Variants in TBC1D26 observed in about 807,000 individuals in gnomAD.
TBC1D26 encodes TBC1 domain family member 26, also known as TBC1 domain family, member 26.
Under a neutral mutation model 42.5 loss-of-function variants are expected in TBC1D26, and 19 were observed. The observed-to-expected ratio is 0.45, with a 90% confidence interval of 0.31 to 0.66. The LOEUF (loss-of-function observed/expected upper bound fraction) is 0.66, where lower values mean the gene tolerates loss of function less well. TBC1D26 is among the 30% of genes least tolerant of loss of function. The pLI is 0.06. For missense variants in TBC1D26, 228 were observed against 332.6 expected (o/e 0.69, Z 2.45); for synonymous variants, 97 against 123.5 (o/e 0.79, Z 1.42).
At chr17:15,739,057 C>T (rs552590491) in intron 8 of TBC1D26, among the ~76,000 whole-genome samples, 265 of 144,118 alleles carry the variant, frequency 1.8e-3, no homozygotes, top group African/African-American at 6.4e-3. Context: ...CCCAAGGAGA[C>T]GGAAGGCAGA....
Position 15,742,026 on chromosome 17 carries a change from T to C in TBC1D26, c.731T>C (p.Met244Thr), listed in dbSNP as rs767841021. Residue 244 changes from methionine to threonine, a missense_variant, in exon 11 of 15, where the codon ATG (methionine) becomes ACG (threonine). Met to Thr is a moderately conservative substitution (Grantham distance 81, BLOSUM62 -1). Coordinates refer to ENST00000437605, the MANE Select transcript of TBC1D26 (RefSeq NM_001388465.1). ...QVLHKSFPKI[M>T]RHLGKEGLCI... ...CTGCACAAGTCCTTCCCAAAGATCA[T>C]GAGACACCTGGTGAGTGGATGACAC... is the stretch of plus-strand genomic sequence containing the variant. The C allele has an allele frequency of 1.2e-6, 2 of 1,611,444 alleles. No homozygotes were observed. The highest frequency in any genetic ancestry group is 1.7e-6 in the Non-Finnish European group (2 of 1,177,858).
Position 15,740,145 on chromosome 17 carries a change from C to A in TBC1D26, c.543C>A (p.Asn181Lys). The change falls in exon 9 of 15, where the codon AAC becomes AAA. Residue 181 changes from asparagine to lysine, a missense_variant. Around this residue, in one of 5 missense-constraint regions of TBC1D26, gnomAD observed 130 missense variants for 168.5 expected, o/e 0.77. Coordinates refer to ENST00000437605, the MANE Select transcript of TBC1D26 (RefSeq NM_001388465.1). ...TCCTCGTGGCCTATTCTGCATATAA[C>A]CCTGTGAGTATTCCCGGGCAGCGAT... The part of the protein sequence containing the change: ...CDILVAYSAY[N>K]PEVGYHRDLS... The A allele has an allele frequency of 1.9e-6, 3 of 1,614,154 alleles. No individual in the cohort carries two copies. Among genetic ancestry groups the A allele is most frequent in the Non-Finnish European group, 2.5e-6 (3 of 1,180,016 alleles).
Position 15,743,368 on chromosome 17 carries a change from G to T in TBC1D26, c.909G>T (p.Lys303Asn), listed in dbSNP as rs1385736870. 5 of 986,218 alleles carry T rather than the reference G, an allele frequency of 5.1e-6. No individual in the cohort carries two copies. Among genetic ancestry groups the T allele is most frequent in the Admixed American group, 6.1e-5 (1 of 16,266 alleles). 61.1% of individuals were successfully genotyped at this position (986,218 alleles called of 1,614,324 possible). Residue 303 changes from lysine (K) to asparagine (N), a missense_variant and splice_region_variant, in exon 14 of 15, where the codon AAG becomes AAT. Around this residue, in one of 5 missense-constraint regions of TBC1D26, gnomAD observed 130 missense variants for 168.5 expected, o/e 0.77. Coordinates refer to ENST00000437605, the MANE Select transcript of TBC1D26 (RefSeq NM_001388465.1). ...GCCTGATGCCCGCCCTCTCCCTAGA[G>T]CACCTCATGAAGCTTTCCTGGAGCA... ...MVHASFKIHRKHLMKLSWSTV... is the reference protein window; with the variant it reads ...MVHASFKIHRNHLMKLSWSTV...
intron 1 of TBC1D26, among the ~76,000 whole-genome samples, chr17:15,733,283 C>T (rs138642225): frequency 3.8e-3 from 568 of 151,278 alleles, no homozygotes; most frequent in African/African-American, 0.013. Flanking sequence ...ACCTCAGGCA[C>T]GGGGTTTGTC....
At chr17:15,744,031 C>T (rs1967859116) in intron 14 of TBC1D26, among the ~76,000 whole-genome samples, 1 of 151,946 alleles carries the variant, frequency 6.6e-6, no homozygotes. Flanking sequence ...CTATTCAGAA[C>T]TCAGAGGCTT....
At chr17:15,740,179 G>A in intron 9 of TBC1D26, 31 bp downstream of exon 9, 1 of 1,614,060 alleles carries the variant, frequency 6.2e-7, no homozygotes, top group African/African-American at 1.3e-5. Flanking sequence ...ATATTCCTGG[G>A]ACATGTGCCC....
chr17:15,736,247 G>T (rs544726636), intron 4 of TBC1D26, among the ~76,000 whole-genome samples: 2,361 of 152,232 alleles, frequency 0.016, 3 homozygotes, highest in African/African-American at 0.054. Context: ...CGGGAGTGGT[G>T]CAGGGAAGGG....
chr17:15,740,645 G>A, intron 9 of TBC1D26: 1 of 1,080,896 alleles, frequency 9.3e-7, no homozygotes, highest in South Asian at 3.2e-5. Context: ...TTCCAGGCAG[G>A]GAGAGCTGCT....
rs572400030 is a variant in TBC1D26 at position 15,743,381 on chromosome 17, C to G, written c.922C>G (p.Leu308Val). ...CCTCTCCCTAGAGCACCTCATGAAGCTTTCCTGGAGCACTGTCTGGGAGTT... is the reference window on the plus strand; with the variant it reads ...CCTCTCCCTAGAGCACCTCATGAAGGTTTCCTGGAGCACTGTCTGGGAGTT... ...FKIHRKHLMK[L>V]SWSTVWEFQE... The change falls in exon 14 of 15, where the codon CTT (leucine) becomes GTT (valine). Residue 308 changes from leucine (L) to valine (V), a missense_variant. Transcript: ENST00000437605. 14 of 986,360 alleles carry G rather than the reference C, an allele frequency of 1.4e-5. No homozygotes were observed. In the East Asian group the frequency reaches 1.2e-3, roughly 88 times the overall value. 61.1% of individuals were successfully genotyped at this position (986,360 alleles called of 1,614,324 possible).
In TBC1D26 at chr17:15,742,185, T is replaced by A; in HGVS notation, c.741+149T>A. ...GATTCCCCATGGATTCAGCGTTGGG[T>A]TTCCTTTTCCTGCCCTGGCAAAGGC... On this transcript the variant is annotated intron_variant, in intron 11 of 14. Coordinates refer to ENST00000437605, the MANE Select transcript of TBC1D26 (RefSeq NM_001388465.1). 3.6e-5 allele frequency: 25 copies of A among 693,238 alleles called. 1 individual carries two copies. In the South Asian group the frequency reaches 4.8e-4, roughly 13 times the overall value. The allele number at this position is 693,238 out of a possible 1,614,324, so 42.9% of individuals were successfully genotyped here. A position where few individuals can be genotyped will look rare whatever the true frequency, so the allele number is the denominator to read the frequency against.
intron 10 of TBC1D26, 116 bp downstream of exon 10, chr17:15,741,337 G>T: frequency 1.3e-6 from 2 of 1,563,922 alleles, no homozygotes; most frequent in Non-Finnish European, 1.7e-6. Context: ...TGCCTGCCTT[G>T]TATCCCAGCT....
rs547507552 is a variant in TBC1D26 at position 15,742,562 on chromosome 17, C to T, written c.807+83C>T. 7 of 177,264 alleles carry T rather than the reference C, an allele frequency of 3.9e-5. No individual in the cohort carries two copies. In the South Asian group the frequency reaches 9.2e-4, roughly 23 times the overall value. 11.0% of individuals were successfully genotyped at this position (177,264 alleles called of 1,614,324 possible). On this transcript the variant is annotated intron_variant, in intron 12 of 14. Coordinates refer to ENST00000437605, the MANE Select transcript of TBC1D26 (RefSeq NM_001388465.1). ...TTCCTCAGCTCAGGGGTCCAGCTCC[C>T]CCAGGAGGACAGGCTCACAAGCCAG...
chr17:15,735,019 T>C lies in TBC1D26; in HGVS notation c.-53T>C. On this transcript the variant is annotated 5_prime_UTR_variant, in exon 2 of 15. Coordinates refer to ENST00000437605, the MANE Select transcript of TBC1D26 (RefSeq NM_001388465.1). ...GCCTCCAGGTGCCCAGAACAGCCCA[T>C]CGTGGGGACTTCACCCTCAGCAAGT... The C allele has an allele frequency of 2.5e-6, 1 of 402,046 alleles. No homozygotes were observed. Among genetic ancestry groups the C allele is most frequent in the Non-Finnish European group, 4.5e-6 (1 of 220,994 alleles). 24.9% of individuals were successfully genotyped at this position (402,046 alleles called of 1,614,324 possible). A position where few individuals can be genotyped will look rare whatever the true frequency, so the allele number is the denominator to read the frequency against.
At chr17:15,738,932 C>T in intron 8 of TBC1D26, 102 bp downstream of exon 8, 3 of 1,518,338 alleles carry the variant, frequency 2.0e-6, no homozygotes, top group Non-Finnish European at 2.7e-6. Context: ...GGAGAGGTGA[C>T]AGAGCCACCA....
At chr17:15,738,656 C>T (rs1351782534) in intron 7 of TBC1D26, 65 bp from the exon 8 acceptor site, 162 of 1,608,958 alleles carry the variant, frequency 1.0e-4, no homozygotes, top group Non-Finnish European at 1.3e-4. Context: ...GGATGACTGC[C>T]GTTTGGGGCA....
At position 15,735,069 on chromosome 17, in the gene TBC1D26, A is replaced by T; in HGVS notation, c.-3A>T. 2 of 508,798 alleles carry T rather than the reference A, an allele frequency of 3.9e-6. No individual in the cohort carries two copies. The highest frequency in any genetic ancestry group is 3.4e-5 in the Admixed American group (1 of 28,994). 31.5% of individuals were successfully genotyped at this position (508,798 alleles called of 1,614,324 possible). On this transcript the variant is annotated splice_region_variant and 5_prime_UTR_variant, in exon 2 of 15. Coordinates refer to ENST00000437605, the MANE Select transcript of TBC1D26 (RefSeq NM_001388465.1). ...TGGACGCCGTTTGTCCTGCCAGGGC[A>T]GGTGTGTGTCTGCCTTGGGGTGTTC...
At chr17:15,733,995 A>G (rs892475029) in intron 1 of TBC1D26, 5 of 152,368 alleles carry the variant, frequency 3.3e-5, no homozygotes, top group Middle Eastern at 3.4e-3. Flanking sequence ...CACCGGGTGC[A>G]TGTTCTGCAC....
At chr17:15,737,735 C>T (rs1478028504) in intron 5 of TBC1D26, 4 of 845,112 alleles carry the variant, frequency 4.7e-6, no homozygotes, top group African/African-American at 1.7e-5. Flanking sequence ...GAGTCCACTG[C>T]CTGTTTGAAC....
chr17:15,738,216 C>T (rs147692420), intron 6 of TBC1D26, 64 bp from the exon 7 acceptor site: 17 of 1,606,222 alleles, frequency 1.1e-5, no homozygotes, highest in African/African-American at 6.7e-5. Flanking sequence ...CAGGCCTGTT[C>T]GCCAGCTTTG....
Sources: allele counts gnomAD v4.1 joint callset (sites outside exome capture counted in the v4.1 genomes callset), GRCh38; gene constraint gnomAD v4.1.1; regional missense constraint gnomAD v4.1.1; transcripts MANE v1.5; gene names NCBI Gene and HGNC (gene_info 2026-07-23, HGNC 2026-07-21).